The following WDR70 variants were observed in gnomAD, a reference collection of about 807,000 sequenced individuals.
The protein encoded by WDR70 is WD repeat domain 70.
In WDR70, 53 loss-of-function variants were observed where a neutral mutation model predicts 88.6. The ratio of observed to expected loss-of-function variants is 0.60; its 90% confidence interval spans 0.48 to 0.75. WDR70 has a LOEUF of 0.75. WDR70 is among the 30% of genes least tolerant of loss of function. WDR70 has a pLI of 0.00. For missense variants in WDR70, 610 were observed against 823.2 expected, an observed-to-expected ratio of 0.74 and a Z score of 3.17; for synonymous variants, 280 against 270.0, an observed-to-expected ratio of 1.04 and a Z score of -0.36.
chr5:37,563,528 C>T (rs1197170574), intron 9 of WDR70, among the ~76,000 whole-genome samples: 1 of 61,574 alleles, frequency 1.6e-5, no homozygotes, highest in African/African-American at 5.1e-5. Flanking sequence ...CCTCACCTCC[C>T]GGATGGGGCG....
At chr5:37,707,751 TA>T (rs1350815942) in intron 13 of WDR70, among the ~76,000 whole-genome samples, 1 of 150,528 alleles carries the variant, frequency 6.6e-6, no homozygotes, top group Non-Finnish European at 1.5e-5. Context: ...TTGTCTCTAC[TA>T]AAACTACAAA....
intron 9 of WDR70, among the ~76,000 whole-genome samples, chr5:37,555,214 C>T (rs72738773): frequency 3.9e-4 from 59 of 152,264 alleles, no homozygotes; most frequent in Non-Finnish European, 6.9e-4. Context: ...ATTAGTATAA[C>T]GTAGTGATAT....
At chr5:37,498,481 G>A (rs1437548944) in intron 8 of WDR70, among the ~76,000 whole-genome samples, 1 of 152,084 alleles carries the variant, frequency 6.6e-6, no homozygotes, top group Non-Finnish European at 1.5e-5. Context: ...TAAATATCAT[G>A]TATAGACACT....
chr5:37,589,521 G>T (rs1170709433), intron 9 of WDR70, among the ~76,000 whole-genome samples: 1 of 152,026 alleles, frequency 6.6e-6, no homozygotes, highest in African/African-American at 2.4e-5. Context: ...TCCATGAAAT[G>T]TAGCATTCTT....
intron 7 of WDR70, among the ~76,000 whole-genome samples, chr5:37,467,423 G>C (rs1027570019): frequency 2.2e-4 from 33 of 151,826 alleles, no homozygotes; most frequent in Non-Finnish European, 4.1e-4. Flanking sequence ...TATAAAGGAA[G>C]TAATGCCACC....
At chr5:37,480,936 A>G (rs949757333) in intron 8 of WDR70, among the ~76,000 whole-genome samples, 4 of 152,240 alleles carry the variant, frequency 2.6e-5, no homozygotes, top group Non-Finnish European at 5.9e-5. Context: ...TTGGGTAAAT[A>G]CACTTTTTTC....
chr5:37,586,172 T>C (rs1743359269), intron 9 of WDR70, among the ~76,000 whole-genome samples: 5 of 152,204 alleles, frequency 3.3e-5, no homozygotes, highest in Admixed American at 2.6e-4. Context: ...GGCCAGGTTT[T>C]ATTGATTCCC....
At chr5:37,728,369 A>C (rs1236007140) in intron 17 of WDR70, among the ~76,000 whole-genome samples, 18 of 151,758 alleles carry the variant, frequency 1.2e-4, no homozygotes, top group African/African-American at 3.9e-4. Context: ...AAAAACAAAA[A>C]AAAAAAACAA....
At chr5:37,712,847 G>A (rs1008699272) in intron 13 of WDR70, among the ~76,000 whole-genome samples, 5 of 151,840 alleles carry the variant, frequency 3.3e-5, no homozygotes, top group African/African-American at 4.8e-5. Flanking sequence ...GATTACAAGC[G>A]TGCACTACCA....
intron 10 of WDR70, among the ~76,000 whole-genome samples, chr5:37,614,272 T>TA (rs776369557): frequency 2.6e-4 from 40 of 152,174 alleles, no homozygotes; most frequent in Non-Finnish European, 4.7e-4. Flanking sequence ...GAGTCCTTCT[T>TA]ATGTCATAAC....
chr5:37,431,864 G>GT (rs1017332399), intron 5 of WDR70, among the ~76,000 whole-genome samples: 2 of 152,186 alleles, frequency 1.3e-5, no homozygotes, highest in African/African-American at 4.8e-5. Flanking sequence ...AGGTTCATCT[G>GT]TGTTGTAGCA....
intron 9 of WDR70, among the ~76,000 whole-genome samples, chr5:37,594,593 G>T (rs1743645073): frequency 6.6e-6 from 1 of 152,162 alleles, no homozygotes; most frequent in Non-Finnish European, 1.5e-5. Context: ...CTCCAGGTTT[G>T]TTCTTTTTGC....
chr5:37,492,080 A>G (rs896878021), intron 8 of WDR70, among the ~76,000 whole-genome samples: 2 of 152,200 alleles, frequency 1.3e-5, no homozygotes, highest in Non-Finnish European at 2.9e-5. Context: ...AGGGAAGTCA[A>G]TTTAGAAATT....
intron 7 of WDR70, among the ~76,000 whole-genome samples, chr5:37,457,122 G>T (rs1198294169): frequency 1.3e-5 from 2 of 152,054 alleles, no homozygotes; most frequent in African/African-American, 2.4e-5. Context: ...TTGAGACAGG[G>T]TCTTGCTCTG....
intron 5 of WDR70, among the ~76,000 whole-genome samples, chr5:37,418,356 G>C (rs1395973583): frequency 6.6e-6 from 1 of 152,088 alleles, no homozygotes; most frequent in East Asian, 1.9e-4. Flanking sequence ...GTCTCGCTCT[G>C]TCGCCCAGGC....
intron 8 of WDR70, among the ~76,000 whole-genome samples, chr5:37,480,673 A>G (rs2112158876): frequency 6.6e-6 from 1 of 152,334 alleles, no homozygotes; most frequent in East Asian, 1.9e-4. Flanking sequence ...GGGAATTGTT[A>G]CAATTCAAGA....
intron 17 of WDR70, among the ~76,000 whole-genome samples, chr5:37,729,176 C>G (rs1748069399): frequency 6.6e-6 from 1 of 152,074 alleles, no homozygotes; most frequent in Non-Finnish European, 1.5e-5. Flanking sequence ...ACAGACTCAT[C>G]TTGGTTTTTC....
intron 17 of WDR70, among the ~76,000 whole-genome samples, chr5:37,732,908 G>A (rs776562201): frequency 5.3e-5 from 8 of 151,860 alleles, no homozygotes; most frequent in South Asian, 2.1e-4. Context: ...GGCATCTCCC[G>A]TCCAATATTA....
chr5:37,707,434 G>A (rs1747359104), intron 13 of WDR70, among the ~76,000 whole-genome samples: 1 of 152,174 alleles, frequency 6.6e-6, no homozygotes, highest in Admixed American at 6.5e-5. Flanking sequence ...AGGTACTTTG[G>A]TGAGAGACCT....
Sources: gnomAD v4.1 joint callset for allele counts (sites outside exome capture counted in the v4.1 genomes callset) on GRCh38, gnomAD v4.1.1 for gene constraint, MANE v1.5 for transcripts, NCBI Gene and HGNC (gene_info 2026-07-23, HGNC 2026-07-21) for gene names.